Variants in STX3 observed in about 807,000 individuals in gnomAD.
STX3 encodes the protein syntaxin 3.
A neutral mutation model predicts 40.2 loss-of-function variants in STX3; 19 were observed. The ratio of observed to expected loss-of-function variants is 0.47; its 90% confidence interval spans 0.33 to 0.69. The LOEUF (loss-of-function observed/expected upper bound fraction) is 0.69. STX3 is among the 30% of genes least tolerant of loss of function. The pLI is 0.02. For missense variants in STX3, 364 were observed against 366.7 expected, an observed-to-expected ratio of 0.99 and a Z score of 0.06; for synonymous variants, 122 against 132.2, an observed-to-expected ratio of 0.92 and a Z score of 0.53.
chr11:59,784,611 CA>C (rs982275427), intron 2 of STX3, among the ~76,000 whole-genome samples: 1 of 152,132 alleles, frequency 6.6e-6, no homozygotes, highest in African/African-American at 2.4e-5. Context: ...TGGCAGAGGT[CA>C]AGGAGGAGCA....
chr11:59,793,807 AT>A (rs67072921), intron 8 of STX3, among the ~76,000 whole-genome samples: 1,521 of 134,184 alleles, frequency 0.011, 12 homozygotes, highest in African/African-American at 0.026. Context: ...TGGATTTTTG[AT>A]TTTTTTTTTT....
chr11:59,804,128 C>CATTT lies in STX3; in HGVS notation c.*3305_*3306insTTTA, dbSNP rs1565198715. 3.9e-5 allele frequency: 6 copies of CATTT among 152,170 alleles called. No homozygotes were observed. The highest frequency in any genetic ancestry group is 1.5e-4 in the African/African-American group (6 of 41,366). 9.4% of individuals were successfully genotyped at this position (152,170 alleles called of 1,614,324 possible). A position where few individuals can be genotyped will look rare whatever the true frequency, so the allele number is the denominator to read the frequency against. On this transcript the variant is annotated 3_prime_UTR_variant, in exon 11 of 11. Coordinates refer to ENST00000337979, the MANE Select transcript of STX3 (RefSeq NM_004177.5). ...GAGTGGGCGCCTCTTTAGGAAGTGA[C>CATTT]ACAGCCTGCATGTGCAGTATGGCTG...
intron 2 of STX3, among the ~76,000 whole-genome samples, chr11:59,782,900 G>A (rs1027957918): frequency 6.6e-6 from 1 of 151,820 alleles, no homozygotes; most frequent in Non-Finnish European, 1.5e-5. Context: ...TTGGGAGGCT[G>A]AGGCAGGAGA....
chr11:59,778,831 CTTTTT>C (rs112512362), intron 2 of STX3, among the ~76,000 whole-genome samples: 2 of 125,800 alleles, frequency 1.6e-5, no homozygotes, highest in Non-Finnish European at 3.3e-5. Context: ...TTTTCTTTTC[CTTTTT>C]TTTTTTTTTT....
rs1451183777 is a variant in STX3, at chr11:59,772,622, G to C, written c.31-589G>C. Among the ~76,000 whole-genome samples the C allele has an allele frequency of 2.6e-5, 4 of 152,168 alleles. No individual in the cohort carries two copies. In the East Asian group the frequency reaches 7.7e-4, roughly 29 times the overall value. ...TTTGAACAGCATGGAGAAGGGTTTA[G>C]CGACCCTGGGGTTCAGATCCAAAAG... On this transcript the variant is annotated intron_variant, in intron 1 of 10. Coordinates refer to ENST00000337979, the MANE Select transcript of STX3 (RefSeq NM_004177.5).
At chr11:59,760,935 A>T (rs1172934849) in intron 1 of STX3, among the ~76,000 whole-genome samples, 1 of 152,208 alleles carries the variant, frequency 6.6e-6, no homozygotes, top group Non-Finnish European at 1.5e-5. Flanking sequence ...TCTGCATGGT[A>T]AGCCTGTATT....
rs1865993754 is a variant in STX3, at chr11:59,804,041, A to G, written c.*3217A>G. ...TGGGCGGAGGACAGGGACAGGGAGT[A>G]CAGATACATAGCTGATTAGGCAGAT... On this transcript the variant is annotated 3_prime_UTR_variant, in exon 11 of 11. Coordinates refer to ENST00000337979, the MANE Select transcript of STX3 (RefSeq NM_004177.5). 2.0e-5 allele frequency: 3 copies of G among 152,506 alleles called. No individual in the cohort carries two copies. Among genetic ancestry groups the G allele is most frequent in the African/African-American group, 7.2e-5 (3 of 41,468 alleles). The allele number at this position is 152,506 out of a possible 1,614,324, so 9.4% of individuals were successfully genotyped here. A position where few individuals can be genotyped will look rare whatever the true frequency, so the allele number is the denominator to read the frequency against.
chr11:59,800,079 A>G, intron 10 of STX3: 1 of 985,412 alleles, frequency 1.0e-6, no homozygotes, highest in Non-Finnish European at 1.2e-6. Flanking sequence ...AGAGGAGCAG[A>G]CTAATTAATA....
intron 1 of STX3, among the ~76,000 whole-genome samples, chr11:59,771,875 A>G (rs1280780035): frequency 6.6e-6 from 1 of 152,158 alleles, no homozygotes; most frequent in African/African-American, 2.4e-5. Context: ...AGGGAAGTTG[A>G]TCGGGGAGGT....
intron 2 of STX3, among the ~76,000 whole-genome samples, chr11:59,785,043 T>G (rs1018112436): frequency 3.3e-5 from 5 of 152,236 alleles, no homozygotes; most frequent in Non-Finnish European, 7.3e-5. Flanking sequence ...TAAACTTGTT[T>G]CCTCATTTGA....
Position 59,802,984 on chromosome 11 carries a change from C to A in STX3, c.*2160C>A. ...TGGGGGAGATCTGTCACGATGTTAT[C>A]TAGAAGGTGGAATGACCATACCAAA... On this transcript the variant is annotated 3_prime_UTR_variant, in exon 11 of 11. Coordinates refer to ENST00000337979, the MANE Select transcript of STX3 (RefSeq NM_004177.5). The A allele has an allele frequency of 1.0e-6, 1 of 985,356 alleles. No homozygotes were observed. The highest frequency in any genetic ancestry group is 1.2e-6 in the Non-Finnish European group (1 of 829,916). The allele number at this position is 985,356 out of a possible 1,614,324, so 61.0% of individuals were successfully genotyped here.
chr11:59,777,362 T>C (rs770248222), intron 2 of STX3, among the ~76,000 whole-genome samples: 14 of 152,338 alleles, frequency 9.2e-5, no homozygotes, highest in Admixed American at 4.6e-4. Flanking sequence ...TGTTGCCTAC[T>C]GCAGCTATGC....
chr11:59,771,108 G>A (rs939761489), intron 1 of STX3, among the ~76,000 whole-genome samples: 1 of 152,130 alleles, frequency 6.6e-6, no homozygotes, highest in Non-Finnish European at 1.5e-5. Flanking sequence ...AAGGTGTTTC[G>A]AGCAGACACA....
At chr11:59,765,129 A>G (rs573393443) in intron 1 of STX3, among the ~76,000 whole-genome samples, 13 of 152,098 alleles carry the variant, frequency 8.5e-5, no homozygotes, top group African/African-American at 1.2e-4. Context: ...TTATCTGTCA[A>G]TCTCCTCTTG....
intron 1 of STX3, among the ~76,000 whole-genome samples, chr11:59,760,280 T>G (rs536864559): frequency 6.6e-6 from 1 of 152,318 alleles, no homozygotes; most frequent in African/African-American, 2.4e-5. Context: ...CCCTGCCTTT[T>G]GTCAAAATTT....
At chr11:59,772,848 A>G (rs1863729698) in intron 1 of STX3, among the ~76,000 whole-genome samples, 1 of 152,142 alleles carries the variant, frequency 6.6e-6, no homozygotes, top group South Asian at 2.1e-4. Context: ...TATCTCTTTT[A>G]TACCTTACAC....
intron 2 of STX3, among the ~76,000 whole-genome samples, chr11:59,779,049 G>T (rs950355934): frequency 6.6e-6 from 1 of 152,056 alleles, no homozygotes; most frequent in Admixed American, 6.6e-5. Flanking sequence ...TGTTGGTCAG[G>T]CTGGTCTGGA....
intron 1 of STX3, among the ~76,000 whole-genome samples, chr11:59,769,011 T>A (rs528299339): frequency 6.6e-6 from 1 of 152,106 alleles, no homozygotes; most frequent in South Asian, 2.1e-4. Flanking sequence ...ATACATTGTA[T>A]CCATTAAGTA....
chr11:59,761,365 T>C (rs1416518503), intron 1 of STX3, among the ~76,000 whole-genome samples: 1 of 152,196 alleles, frequency 6.6e-6, no homozygotes, highest in African/African-American at 2.4e-5. Context: ...CCCCGCAAAC[T>C]TTACTTTTGG....
Sources: gnomAD v4.1 joint callset for allele counts (sites outside exome capture counted in the v4.1 genomes callset) on GRCh38, gnomAD v4.1.1 for gene constraint, MANE v1.5 for transcripts, NCBI Gene and HGNC (gene_info 2026-07-23, HGNC 2026-07-21) for gene names.